Variants in SCARB2 observed in about 807,000 individuals in gnomAD.
The protein encoded by SCARB2 is scavenger receptor class B member 2.
Under a neutral mutation model 58.6 loss-of-function variants are expected in SCARB2, and 29 were observed. That is an observed-to-expected ratio of 0.49 (90% CI 0.37 to 0.67). The LOEUF is 0.67. Ranked by LOEUF, SCARB2 falls within the 30% of genes least tolerant of loss-of-function variation. The pLI, the probability that SCARB2 is intolerant of heterozygous loss-of-function variation, is 0.00. For synonymous variants in SCARB2, 195 were observed against 210.1 expected (o/e 0.93, Z 0.62); for missense variants, 488 against 578.5 (o/e 0.84, Z 1.60).
Position 76,204,180 on chromosome 4 carries a change from G to A in SCARB2, c.118-8316C>T, listed in dbSNP as rs140291798. ...TTGATTTGCTTTGTTTTTTAAAATT[G>A]CTCCCTGAAACGAAGCAAACCCAAC... On this transcript the variant is annotated intron_variant, in intron 1 of 11. Transcript: ENST00000264896. Among the ~76,000 whole-genome samples, 297 of 152,162 alleles carry A rather than the reference G, an allele frequency of 2.0e-3. No individual in the cohort carries two copies. The Middle Eastern group carries it at 0.051, about 26-fold the overall frequency.
At chr4:76,204,371 G>A (rs1732888279) in intron 1 of SCARB2, among the ~76,000 whole-genome samples, 1 of 152,112 alleles carries the variant, frequency 6.6e-6, no homozygotes. Flanking sequence ...TTTTGCAACT[G>A]TCATAATTTT....
intron 9 of SCARB2, among the ~76,000 whole-genome samples, chr4:76,167,684 C>CCTT (rs1560705166): frequency 1.1e-5 from 1 of 91,322 alleles, no homozygotes; most frequent in Non-Finnish European, 2.1e-5. Flanking sequence ...CCCCCCCCCG[C>CCTT]TTTTTTTTTT....
At chr4:76,220,634 A>T (rs1733291180) in intron 1 of SCARB2, among the ~76,000 whole-genome samples, 1 of 152,214 alleles carries the variant, frequency 6.6e-6, no homozygotes, top group South Asian at 2.1e-4. Context: ...TAAAGAAAGA[A>T]TGAAGTCCTG....
At chr4:76,181,705 C>T (rs1732390615) in intron 2 of SCARB2, among the ~76,000 whole-genome samples, 1 of 152,104 alleles carries the variant, frequency 6.6e-6, no homozygotes, top group African/African-American at 2.4e-5. Context: ...GCTAGAAGTA[C>T]AGAAGCATGC....
At chr4:76,221,993 G>A (rs750100807) in intron 1 of SCARB2, among the ~76,000 whole-genome samples, 8 of 152,190 alleles carry the variant, frequency 5.3e-5, no homozygotes, top group Non-Finnish European at 1.0e-4. Context: ...AACAATAGGT[G>A]ACTACCATGA....
chr4:76,165,269 T>C (rs1731980190), intron 10 of SCARB2: 1 of 152,216 alleles, frequency 6.6e-6, no homozygotes, highest in Admixed American at 6.5e-5. Flanking sequence ...AACCTCATCT[T>C]AGAATTGTAA....
Position 76,168,459 on chromosome 4 carries a change from T to C in SCARB2, c.1131A>G (p.Leu377=). 1.2e-6 allele frequency: 2 copies of C among 1,614,090 alleles called. No individual in the cohort carries two copies. The highest frequency in any genetic ancestry group is 1.7e-6 in the Non-Finnish European group (2 of 1,179,968). The part of the protein sequence containing the change: ...VDINPLTGII[L]KAAKRFQINI... ...TGATTTGGAACCTCTTGGCTGCTTT[T>C]AGGATTATTCCAGTCAACTGCAAAT... The change falls in exon 9 of 12, where the codon CTA becomes CTG. Residue 377 remains leucine, a synonymous_variant. Coordinates refer to ENST00000264896, the MANE Select transcript of SCARB2 (RefSeq NM_005506.4).
intron 4 of SCARB2, among the ~76,000 whole-genome samples, chr4:76,178,794 G>A (rs1212813029): frequency 6.6e-6 from 1 of 152,060 alleles, no homozygotes; most frequent in Non-Finnish European, 1.5e-5. Flanking sequence ...CAATTTCTAC[G>A]TTTTATATAA....
chr4:76,230,787 C>A (rs937050046), intron 1 of SCARB2, among the ~76,000 whole-genome samples: 7 of 152,192 alleles, frequency 4.6e-5, no homozygotes, highest in Admixed American at 1.3e-4. Flanking sequence ...ATCTGCCATT[C>A]TTACCCACAT....
chr4:76,173,419 CT>C (rs1732175875), intron 7 of SCARB2: 1 of 152,418 alleles, frequency 6.6e-6, no homozygotes, highest in Non-Finnish European at 1.5e-5. Flanking sequence ...CAACCTCGAA[CT>C]CCTGGGTTCA....
chr4:76,207,099 C>T lies in SCARB2; in HGVS notation c.117+6328G>A, dbSNP rs574229833. ...GTGATCTCAGGACCCCTGGGGAGCCCGAAGACCTTCTTAGGAGGCGCCCAC... is the reference window on the plus strand; with the variant it reads ...GTGATCTCAGGACCCCTGGGGAGCCTGAAGACCTTCTTAGGAGGCGCCCAC... On this transcript the variant is annotated intron_variant, in intron 1 of 11. Coordinates refer to ENST00000264896, the MANE Select transcript of SCARB2 (RefSeq NM_005506.4). Among the ~76,000 whole-genome samples, 431 of 152,152 alleles carry T rather than the reference C, an allele frequency of 2.8e-3. 2 individuals are homozygous for T. Among genetic ancestry groups the T allele is most frequent in the African/African-American group, 9.9e-3 (412 of 41,510 alleles).
intron 7 of SCARB2, 198 bp downstream of exon 7, chr4:76,173,946 T>G (rs1732187842): frequency 1.5e-6 from 1 of 655,134 alleles, no homozygotes; most frequent in Non-Finnish European, 2.7e-6. Context: ...TTTGTTTTGT[T>G]TTTTAGAGAC....
chr4:76,201,973 G>C (rs1209684539), intron 1 of SCARB2, among the ~76,000 whole-genome samples: 3 of 152,134 alleles, frequency 2.0e-5, no homozygotes, highest in Admixed American at 2.0e-4. Flanking sequence ...TATAATGGTA[G>C]ACAAGATCTC....
chr4:76,167,603 C>T (rs1487347210), intron 9 of SCARB2, among the ~76,000 whole-genome samples: 4 of 151,684 alleles, frequency 2.6e-5, no homozygotes, highest in African/African-American at 9.7e-5. Flanking sequence ...GCCTACAGAA[C>T]TGTAAGCCAA....
chr4:76,160,975 C>T lies in SCARB2; in HGVS notation c.*738G>A, dbSNP rs1731886102. The stretch of plus-strand genomic sequence containing the variant: ...TAGCAATTAATTCTACATGAAATAT[C>T]TGTACTTTATCCTCACCAACATTAT... On this transcript the variant is annotated 3_prime_UTR_variant, in exon 12 of 12. Transcript: ENST00000264896. The T allele has an allele frequency of 6.6e-6, 1 of 152,152 alleles. No individual in the cohort carries two copies. The highest frequency in any genetic ancestry group is 2.4e-5 in the African/African-American group (1 of 41,418). The allele number at this position is 152,152 out of a possible 1,614,324, so 9.4% of individuals were successfully genotyped here. A position where few individuals can be genotyped will look rare whatever the true frequency, so the allele number is the denominator to read the frequency against.
intron 1 of SCARB2, among the ~76,000 whole-genome samples, chr4:76,229,834 T>A (rs1733463033): frequency 1.3e-5 from 2 of 152,170 alleles, no homozygotes; most frequent in Non-Finnish European, 2.9e-5. Flanking sequence ...CAGTGAAGTT[T>A]TTATGTGGAC....
Position 76,210,197 on chromosome 4 carries a change from C to CTA in SCARB2, c.117+3229_117+3230insTA, listed in dbSNP as rs150867535. ...ATATTATTTCATTCTTGTGACAACT[C>CTA]TGAGTTAAGTATTCTTATCCTTATT... On this transcript the variant is annotated intron_variant, in intron 1 of 11. Coordinates refer to ENST00000264896, the MANE Select transcript of SCARB2 (RefSeq NM_005506.4). Among the ~76,000 whole-genome samples the CTA allele has an allele frequency of 6.5e-3, 987 of 152,254 alleles. 7 individuals carry two copies. Among genetic ancestry groups the CTA allele is most frequent in the African/African-American group, 0.022 (927 of 41,530 alleles).
At chr4:76,232,531 T>C (rs1733511352) in intron 1 of SCARB2, among the ~76,000 whole-genome samples, 1 of 152,260 alleles carries the variant, frequency 6.6e-6, no homozygotes, top group Non-Finnish European at 1.5e-5. Context: ...TGGTTTACAA[T>C]AAGTTAACAT....
chr4:76,189,820 A>G (rs1732566824), intron 2 of SCARB2, among the ~76,000 whole-genome samples: 1 of 151,998 alleles, frequency 6.6e-6, no homozygotes, highest in Admixed American at 6.6e-5. Context: ...ATCTCGTGAG[A>G]ACTAACTCAG....
Sources: allele counts gnomAD v4.1 joint callset (sites outside exome capture counted in the v4.1 genomes callset), GRCh38; gene constraint gnomAD v4.1.1; transcripts MANE v1.5; gene names NCBI Gene and HGNC (gene_info 2026-07-23, HGNC 2026-07-21).